The following SAMD5 variants were observed in gnomAD, a reference collection of about 807,000 sequenced individuals.
SAMD5 encodes sterile alpha motif domain containing 5, also known as sterile alpha motif domain-containing protein 5.
A neutral mutation model predicts 11.3 loss-of-function variants in SAMD5; 13 were observed. The observed-to-expected ratio is 1.15, with a 90% CI of 0.75 to 1.83. The LOEUF is 1.83. SAMD5 is among the 40% of genes most tolerant of loss of function. The probability of loss-of-function intolerance (pLI) is 0.00; values close to 1 mark genes in which losing one functional copy is unlikely to be tolerated. For synonymous variants in SAMD5, 129 were observed against 111.3 expected, an observed-to-expected ratio of 1.16 and a Z score of -1.00; for missense variants, 255 against 239.1, an observed-to-expected ratio of 1.07 and a Z score of -0.44.
At chr6:147,815,391 G>A in the SAMD5 span, among the ~76,000 whole-genome samples, 1 of 152,224 alleles carries the variant, frequency 6.6e-6, no homozygotes, top group East Asian at 1.9e-4. Context: ...TTGTCGAAGA[G>A]CAGAAAGGCA....
chr6:147,786,612 G>T, the SAMD5 span, among the ~76,000 whole-genome samples: 1 of 152,168 alleles, frequency 6.6e-6, no homozygotes, highest in Non-Finnish European at 1.5e-5. Flanking sequence ...AAGGACAGGG[G>T]CTGATGTGGA....
chr6:147,542,419 A>C (rs1455189478), intron 1 of SAMD5, among the ~76,000 whole-genome samples: 5 of 152,198 alleles, frequency 3.3e-5, no homozygotes, highest in Non-Finnish European at 4.4e-5. Context: ...GAGAAAGAGT[A>C]ATTCACACAG....
chr6:147,528,096 A>G (rs1001474957), intron 1 of SAMD5, among the ~76,000 whole-genome samples: 3 of 151,616 alleles, frequency 2.0e-5, no homozygotes, highest in Admixed American at 6.6e-5. Context: ...CCATGACCCA[A>G]TCATCTCCCA....
intron 1 of SAMD5, among the ~76,000 whole-genome samples, chr6:147,608,515 A>G (rs1167665129): frequency 6.6e-6 from 1 of 152,218 alleles, no homozygotes; most frequent in African/African-American, 2.4e-5. Flanking sequence ...AGAGGTCATC[A>G]TGTTAAGTGA....
intron 1 of SAMD5, among the ~76,000 whole-genome samples, chr6:147,705,879 A>G (rs772946654): frequency 1.3e-5 from 2 of 152,186 alleles, no homozygotes; most frequent in Non-Finnish European, 2.9e-5. Flanking sequence ...CTGTTTGAGG[A>G]CAACACTATA....
chr6:147,828,396 G>A, the SAMD5 span, among the ~76,000 whole-genome samples: 1 of 152,192 alleles, frequency 6.6e-6, no homozygotes, highest in Admixed American at 6.5e-5. Context: ...TATTGTTTCT[G>A]GGTGTGTCTG....
At chr6:147,545,885 A>G (rs1015954221) in intron 1 of SAMD5, among the ~76,000 whole-genome samples, 2 of 152,200 alleles carry the variant, frequency 1.3e-5, no homozygotes, top group African/African-American at 4.8e-5. Flanking sequence ...ATTAAATTTG[A>G]TATTCAAATT....
chr6:147,926,589 T>C, the SAMD5 span, among the ~76,000 whole-genome samples: 197 of 152,260 alleles, frequency 1.3e-3, no homozygotes, highest in African/African-American at 4.5e-3. Flanking sequence ...TTGTCAGATG[T>C]ATGGTTTGAA....
intron 1 of SAMD5, among the ~76,000 whole-genome samples, chr6:147,700,911 A>T (rs1327685745): frequency 1.3e-5 from 2 of 152,212 alleles, no homozygotes; most frequent in Non-Finnish European, 2.9e-5. Flanking sequence ...ATAATAAATA[A>T]AATTTATCTG....
intron 1 of SAMD5, among the ~76,000 whole-genome samples, chr6:147,641,844 C>T (rs1790317216): frequency 6.6e-6 from 1 of 152,054 alleles, no homozygotes; most frequent in African/African-American, 2.4e-5. Flanking sequence ...TTGTTTGTTT[C>T]TTTAGAGTTT....
At position 147,565,220 on chromosome 6, in the gene SAMD5, G is replaced by C. The variant is rs1789016687; in HGVS notation, c.*764G>C. 8.1e-6 allele frequency: 8 copies of C among 985,802 alleles called. No individual in the cohort carries two copies. Among genetic ancestry groups the C allele is most frequent in the Non-Finnish European group, 8.4e-6 (7 of 830,006 alleles). 61.1% of individuals were successfully genotyped at this position (985,802 alleles called of 1,614,324 possible). On this transcript the variant is annotated 3_prime_UTR_variant, in exon 2 of 2. Coordinates refer to ENST00000367474, the MANE Select transcript of SAMD5 (RefSeq NM_001030060.3). ...TCATAGCTAGTTTCTTGCACTCTGT[G>C]GAGACTGCCAGGGCCGCAGCTCACA...
the SAMD5 span, among the ~76,000 whole-genome samples, chr6:147,784,965 C>T: frequency 6.6e-6 from 1 of 152,046 alleles, no homozygotes; most frequent in Non-Finnish European, 1.5e-5. Flanking sequence ...AATATATTAT[C>T]AAATGATAAT....
intron 1 of SAMD5, among the ~76,000 whole-genome samples, chr6:147,698,662 G>A (rs1791212630): frequency 6.6e-6 from 1 of 152,192 alleles, no homozygotes; most frequent in African/African-American, 2.4e-5. Flanking sequence ...GTCCCCAGCA[G>A]ACAGGCTAGA....
chr6:147,704,568 GC>G (rs1261181413), intron 1 of SAMD5, among the ~76,000 whole-genome samples: 1 of 152,124 alleles, frequency 6.6e-6, no homozygotes, highest in Non-Finnish European at 1.5e-5. Context: ...AAAAAAAAGG[GC>G]TGTGACAGGT....
the SAMD5 span, among the ~76,000 whole-genome samples, chr6:147,818,219 CA>C: frequency 6.6e-6 from 1 of 152,040 alleles, no homozygotes; most frequent in Non-Finnish European, 1.5e-5. Flanking sequence ...ATGGTCATGC[CA>C]TATAGAATTG....
chr6:147,564,732 T>G lies in SAMD5; in HGVS notation c.*276T>G. On this transcript the variant is annotated 3_prime_UTR_variant, in exon 2 of 2. Transcript: ENST00000367474. Reference sequence around the variant, plus strand: ...CATGATGAGATACAGTCTTATGCATTTCTTGGCATTCTCCCTTCCATTCTT... The same window carrying G: ...CATGATGAGATACAGTCTTATGCATGTCTTGGCATTCTCCCTTCCATTCTT... The G allele has an allele frequency of 9.2e-7, 1 of 1,081,190 alleles. No individual in the cohort carries two copies. Among genetic ancestry groups the G allele is most frequent in the Non-Finnish European group, 1.1e-6 (1 of 891,852 alleles). The allele number at this position is 1,081,190 out of a possible 1,614,324, so 67.0% of individuals were successfully genotyped here.
chr6:147,890,607 A>G, the SAMD5 span, among the ~76,000 whole-genome samples: 1 of 152,110 alleles, frequency 6.6e-6, no homozygotes, highest in Non-Finnish European at 1.5e-5. Context: ...GATCCACCCA[A>G]CTTGGCCTCT....
intron 1 of SAMD5, among the ~76,000 whole-genome samples, chr6:147,675,125 A>T (rs2128455840): frequency 6.6e-6 from 1 of 152,318 alleles, no homozygotes; most frequent in East Asian, 1.9e-4. Flanking sequence ...TTGACAAAAA[A>T]CCCTCAAAGA....
chr6:147,861,985 G>A, the SAMD5 span, among the ~76,000 whole-genome samples: 4 of 152,146 alleles, frequency 2.6e-5, no homozygotes, highest in Non-Finnish European at 5.9e-5. Flanking sequence ...CAGAAAGGGG[G>A]AGGTCCAGTT....
Sources: gnomAD v4.1 joint callset for allele counts (sites outside exome capture counted in the v4.1 genomes callset) on GRCh38, gnomAD v4.1.1 for gene constraint, MANE v1.5 for transcripts, NCBI Gene and HGNC (gene_info 2026-07-23, HGNC 2026-07-21) for gene names.